Variants in VPS13C observed in about 807,000 individuals in gnomAD.
VPS13C encodes the protein intermembrane lipid transfer protein VPS13C.
VPS13C carries 358 observed loss-of-function variants against 456.8 expected under a neutral mutation model. The observed-to-expected ratio is 0.78, with a 90% CI of 0.72 to 0.86. VPS13C has a LOEUF of 0.86. VPS13C is among the 40% of genes least tolerant of loss of function. The pLI, the probability that VPS13C is intolerant of heterozygous loss-of-function variation, is 0.00. For synonymous variants in VPS13C, 1,578 were observed against 1,486.7 expected, an observed-to-expected ratio of 1.06 and a Z score of -1.41; for missense variants, 4,818 against 4,385.4, an observed-to-expected ratio of 1.10 and a Z score of -2.79.
intron 1 of VPS13C, among the ~76,000 whole-genome samples, chr15:62,057,963 C>A (rs1214563783): frequency 2.0e-5 from 3 of 152,112 alleles, no homozygotes; most frequent in Non-Finnish European, 2.9e-5. Context: ...CTGACTATAT[C>A]CATACGTTTT....
At chr15:61,995,070 C>T (rs909736892) in intron 16 of VPS13C, among the ~76,000 whole-genome samples, 4 of 152,246 alleles carry the variant, frequency 2.6e-5, no homozygotes, top group African/African-American at 9.6e-5. Context: ...TTCCTACTCA[C>T]TGTCTCCCAT....
chr15:62,042,177 T>C (rs771307394), intron 2 of VPS13C, among the ~76,000 whole-genome samples: 8 of 152,198 alleles, frequency 5.3e-5, no homozygotes, highest in Non-Finnish European at 1.2e-4. Context: ...TTCGTTTAGA[T>C]AAGTTACAGA....
At chr15:62,018,755 G>A (rs1210380227) in intron 9 of VPS13C, among the ~76,000 whole-genome samples, 1 of 151,780 alleles carries the variant, frequency 6.6e-6, no homozygotes, top group African/African-American at 2.4e-5. Context: ...TCTCTTTTTT[G>A]GTTGTGTCTC....
intron 18 of VPS13C, among the ~76,000 whole-genome samples, chr15:61,987,298 T>C (rs1026837728): frequency 1.3e-5 from 2 of 152,062 alleles, no homozygotes; most frequent in Admixed American, 6.6e-5. Flanking sequence ...TCCATTCTCA[T>C]GCTGCTAATA....
At position 61,914,878 on chromosome 15, in the gene VPS13C, T is replaced by TAAAAAAAAAAAA. The variant is rs60910951; in HGVS notation, c.8445+743_8445+754dup. On this transcript the variant is annotated intron_variant, in intron 61 of 84. Transcript: ENST00000644861. ...ACCGAGCCTGGCCAAAACTCTGCCT[T>TAAAAAAAAAAAA]AAAAAAAAAAAAAAAAAAAAAAAAA... Among the ~76,000 whole-genome samples, 35 of 102,052 alleles carry TAAAAAAAAAAAA rather than the reference T, an allele frequency of 3.4e-4. 7 individuals are homozygous for TAAAAAAAAAAAA. Among genetic ancestry groups the TAAAAAAAAAAAA allele is most frequent in the South Asian group, 6.6e-4 (2 of 3,012 alleles). 67.0% of individuals were successfully genotyped at this position (102,052 alleles called of 152,430 possible).
At chr15:62,059,945 G>T (rs550031998) in intron 1 of VPS13C, among the ~76,000 whole-genome samples, 47 of 152,332 alleles carry the variant, frequency 3.1e-4, no homozygotes, top group Middle Eastern at 3.4e-3. Context: ...TTTTTATGCT[G>T]TAGGGCCAAA....
chr15:62,026,509 C>G (rs1427798938), intron 6 of VPS13C, among the ~76,000 whole-genome samples: 1 of 152,050 alleles, frequency 6.6e-6, no homozygotes, highest in Non-Finnish European at 1.5e-5. Context: ...AATTTTATCA[C>G]TGACAACAAA....
intron 3 of VPS13C, among the ~76,000 whole-genome samples, chr15:62,039,406 G>A (rs2048168373): frequency 6.6e-6 from 1 of 151,922 alleles, no homozygotes. Flanking sequence ...ACATAAATAT[G>A]CATAATAGCC....
At chr15:61,864,145 A>C (rs1353127899) in intron 81 of VPS13C, 1 of 212,402 alleles carries the variant, frequency 4.7e-6, no homozygotes, top group Non-Finnish European at 8.1e-6. Flanking sequence ...TTGATCTTAT[A>C]CGTTAAACAT....
intron 66 of VPS13C, among the ~76,000 whole-genome samples, chr15:61,901,493 CA>C (rs2042994241): frequency 6.6e-6 from 1 of 151,978 alleles, no homozygotes; most frequent in Non-Finnish European, 1.5e-5. Context: ...TTTATGCAGC[CA>C]AAAAACACAT....
In VPS13C at chr15:61,984,961, G is replaced by A; in HGVS notation, c.1617C>T (p.Thr539=). The part of the protein sequence containing the change: ...AHIMTLKLVS[T]SVTIRENKNI... ...TCTTGTTTTCTCTTATCGTAACAGAGGTGCTTACTAACTTCAGGGTCATAA... is the reference window on the plus strand; with the variant it reads ...TCTTGTTTTCTCTTATCGTAACAGAAGTGCTTACTAACTTCAGGGTCATAA... The change falls in exon 19 of 85, where the codon ACC becomes ACT. Residue 539 remains threonine (T), a synonymous_variant. Transcript: ENST00000644861. 1.9e-6 allele frequency: 3 copies of A among 1,602,462 alleles called. No individual in the cohort carries two copies. The highest frequency in any genetic ancestry group is 2.6e-6 in the Non-Finnish European group (3 of 1,175,736).
In VPS13C at chr15:62,028,359, A is replaced by C; in HGVS notation, c.447T>G (p.Pro149=). 1 of 1,612,874 alleles carries C rather than the reference A, an allele frequency of 6.2e-7. No homozygotes were observed. The highest frequency in any genetic ancestry group is 8.5e-7 in the Non-Finnish European group (1 of 1,179,204). ...LENFVYKDIK[P]GRKRKKHKKH... ...ATATAATTAACCATGCATACCCACC[A>C]GGCTTGATGTCCTTGTAAACAAAGT... Residue 149 remains proline, a splice_region_variant and synonymous_variant, in exon 6 of 85, where the codon CCT becomes CCG. Transcript: ENST00000644861.
chr15:61,895,439 G>T (rs2042778448), intron 66 of VPS13C, among the ~76,000 whole-genome samples: 1 of 151,856 alleles, frequency 6.6e-6, no homozygotes, highest in Admixed American at 6.6e-5. Flanking sequence ...AAGATAAAAT[G>T]GACAAACTTT....
At chr15:61,865,461 T>A in intron 81 of VPS13C, 1 of 984,554 alleles carries the variant, frequency 1.0e-6, no homozygotes, top group Non-Finnish European at 1.2e-6. Context: ...AAATGCTGTT[T>A]TAAACGTTGC....
intron 37 of VPS13C, 117 bp downstream of exon 37, chr15:61,958,491 G>A: frequency 1.6e-6 from 1 of 627,040 alleles, no homozygotes; most frequent in Non-Finnish European, 2.8e-6. Flanking sequence ...TGTTTACTCG[G>A]TAATACAAAC....
At chr15:62,013,374 TA>T (rs1363465504) in intron 10 of VPS13C, among the ~76,000 whole-genome samples, 1 of 151,880 alleles carries the variant, frequency 6.6e-6, no homozygotes, top group African/African-American at 2.4e-5. Flanking sequence ...ATCAAATATT[TA>T]TTCAGAAATT....
At chr15:61,952,525 TTG>T (rs911004613) in intron 38 of VPS13C, among the ~76,000 whole-genome samples, 4 of 151,794 alleles carry the variant, frequency 2.6e-5, no homozygotes, top group Non-Finnish European at 1.5e-5. Context: ...GTATGTGTGT[TTG>T]TGTGTGTGTG....
Position 61,920,153 on chromosome 15 carries a change from A to C in VPS13C, c.7391T>G (p.Leu2464Arg), listed in dbSNP as rs2043603477. ...TGAAGGTACCATGCTGGCATACTCC[A>C]GTTCCAAATTCTGGCCAGCATCAAC... ...FDVDAGQNLE[L>R]EYASMVPSSQ... The change falls in exon 57 of 85, where the codon CTG becomes CGG. Residue 2464 changes from leucine to arginine, a missense_variant. Coordinates refer to ENST00000644861, the MANE Select transcript of VPS13C (RefSeq NM_020821.3). 6.2e-7 allele frequency: 1 copy of C among 1,613,516 alleles called. No homozygotes were observed. The highest frequency in any genetic ancestry group is 1.3e-5 in the African/African-American group (1 of 74,886).
At chr15:61,923,634 T>C (rs1198341148) in intron 53 of VPS13C, among the ~76,000 whole-genome samples, 2 of 151,766 alleles carry the variant, frequency 1.3e-5, no homozygotes, top group African/African-American at 4.9e-5. Flanking sequence ...AATACTAGGT[T>C]AAATAAGTTA....
Sources: allele counts gnomAD v4.1 joint callset (sites outside exome capture counted in the v4.1 genomes callset), GRCh38; gene constraint gnomAD v4.1.1; transcripts MANE v1.5; gene names NCBI Gene and HGNC (gene_info 2026-07-23, HGNC 2026-07-21).